The following SFSWAP variants were observed in gnomAD, a reference collection of about 807,000 sequenced individuals.
SFSWAP encodes splicing factor, suppressor of white-apricot homolog.
SFSWAP carries 17 observed loss-of-function variants against 100.7 expected under a neutral mutation model. That is an observed-to-expected ratio of 0.17 (90% CI 0.12 to 0.25). The LOEUF (loss-of-function observed/expected upper bound fraction) is 0.25, where lower values mean the gene tolerates loss of function less well. Ranked by LOEUF, SFSWAP falls within the 10% of genes least tolerant of loss-of-function variation. The pLI is 1.00. For missense variants in SFSWAP, 1,005 were observed against 1,262.6 expected, an observed-to-expected ratio of 0.80 and a Z score of 3.09; for synonymous variants, 504 against 510.1, an observed-to-expected ratio of 0.99 and a Z score of 0.16.
At chr12:131,781,239 T>A (rs60070723) in intron 14 of SFSWAP, among the ~76,000 whole-genome samples, 61,602 of 137,002 alleles carry the variant, frequency 0.45, 14,951 homozygotes, top group East Asian at 0.63. Context: ...TTATTATTTT[T>A]TTTTTTTTTT....
At chr12:131,727,100 C>A in intron 6 of SFSWAP, 48 bp downstream of exon 6, 1 of 1,148,854 alleles carries the variant, frequency 8.7e-7, no homozygotes, top group Non-Finnish European at 1.3e-6. Flanking sequence ...CACAAAACTT[C>A]TGCTAATGTA....
At chr12:131,729,924 G>A (rs564354307) in intron 7 of SFSWAP, among the ~76,000 whole-genome samples, 33 of 152,170 alleles carry the variant, frequency 2.2e-4, no homozygotes, top group South Asian at 6.2e-4. Context: ...CATACTAAAC[G>A]TTTTTAGACT....
chr12:131,799,385 G>T (rs1885910935), intron 17 of SFSWAP, 38 bp from the exon 18 acceptor site: 2 of 1,603,860 alleles, frequency 1.2e-6, no homozygotes, highest in African/African-American at 2.7e-5. Flanking sequence ...GTCTGGCCAG[G>T]TCTTCACAGG....
intron 12 of SFSWAP, among the ~76,000 whole-genome samples, chr12:131,765,673 T>G (rs1049965099): frequency 2.0e-5 from 3 of 152,140 alleles, no homozygotes; most frequent in Non-Finnish European, 2.9e-5. Context: ...AAAAGCCATT[T>G]TTCAACCACA....
intron 8 of SFSWAP, among the ~76,000 whole-genome samples, chr12:131,754,038 G>A (rs552354565): frequency 2.6e-5 from 4 of 152,172 alleles, no homozygotes; most frequent in South Asian, 2.1e-4. Context: ...CATGCTTGCC[G>A]ACTTGTTTTC....
At chr12:131,748,905 A>G (rs1881372962) in intron 7 of SFSWAP, among the ~76,000 whole-genome samples, 1 of 152,266 alleles carries the variant, frequency 6.6e-6, no homozygotes. Context: ...TTACGTCAGC[A>G]TTTAACTTAG....
At position 131,734,378 on chromosome 12, in the gene SFSWAP, G is replaced by A. The variant is rs1227585090; in HGVS notation, c.1081+5950G>A. 6.6e-6 allele frequency among the ~76,000 whole-genome samples: 1 copy of A among 152,258 alleles called. No individual in the cohort carries two copies. The highest frequency in any genetic ancestry group is 1.9e-4 in the East Asian group (1 of 5,206). On this transcript the variant is annotated intron_variant, in intron 7 of 17. Coordinates refer to ENST00000261674, the MANE Select transcript of SFSWAP (RefSeq NM_004592.4). The surrounding 1 kb of genome is among the most constrained non-coding windows in gnomAD (Gnocchi z 4.9). ...TTACCCAAGAGGACTTAAAATGAAT[G>A]TGCAGGAGAAATGAGAAGAGGACTT...
At chr12:131,754,589 T>G in intron 9 of SFSWAP, 90 bp downstream of exon 9, 1 of 951,580 alleles carries the variant, frequency 1.1e-6, no homozygotes. Context: ...AGAATTAATT[T>G]TTTTATATAT....
intron 7 of SFSWAP, among the ~76,000 whole-genome samples, chr12:131,731,548 A>G (rs139829276): frequency 1.1e-3 from 168 of 152,318 alleles, no homozygotes; most frequent in Non-Finnish European, 1.7e-3. Context: ...TGATTAGGGA[A>G]CTGCCTGTAA....
chr12:131,729,464 G>T (rs1229805896), intron 7 of SFSWAP, among the ~76,000 whole-genome samples: 1 of 152,166 alleles, frequency 6.6e-6, no homozygotes, highest in African/African-American at 2.4e-5. Flanking sequence ...AGATTGCACT[G>T]CCACACTCTA....
chr12:131,776,491 C>T (rs1884035598), intron 13 of SFSWAP, among the ~76,000 whole-genome samples: 1 of 152,240 alleles, frequency 6.6e-6, no homozygotes, highest in South Asian at 2.1e-4. Context: ...TGCTGAATTG[C>T]TTTTGATCTC....
Position 131,733,580 on chromosome 12 carries a change from G to A in SFSWAP, c.1081+5152G>A, listed in dbSNP as rs1232329899. 6.6e-6 allele frequency among the ~76,000 whole-genome samples: 1 copy of A among 152,006 alleles called. No individual in the cohort carries two copies. Among genetic ancestry groups the A allele is most frequent in the African/African-American group, 2.4e-5 (1 of 41,392 alleles). On this transcript the variant is annotated intron_variant, in intron 7 of 17. Transcript: ENST00000261674. The surrounding 1 kb of genome is among the most constrained non-coding windows in gnomAD (Gnocchi z 5.1). Reference sequence around the variant, plus strand: ...TGGGCGCAGCTCCATGTTCTCGGGGGATTTCTTCACTGTGTTTCTTGGGGG... The same window carrying A: ...TGGGCGCAGCTCCATGTTCTCGGGGAATTTCTTCACTGTGTTTCTTGGGGG...
chr12:131,772,805 T>G (rs12320129), intron 13 of SFSWAP, among the ~76,000 whole-genome samples: 1 of 152,132 alleles, frequency 6.6e-6, no homozygotes, highest in African/African-American at 2.4e-5. Flanking sequence ...TGAGTTCTTG[T>G]CCGGCGTCCA....
intron 15 of SFSWAP, chr12:131,796,140 C>A (rs1409141207): frequency 2.6e-5 from 4 of 152,160 alleles, no homozygotes; most frequent in Non-Finnish European, 4.4e-5. Flanking sequence ...GTACTCAGGG[C>A]CAGAAGCGCA....
chr12:131,771,648 C>G (rs1414477452), intron 13 of SFSWAP, among the ~76,000 whole-genome samples: 1 of 121,592 alleles, frequency 8.2e-6, no homozygotes. Context: ...TTGCTAATGT[C>G]TCTTTTTTTT....
rs141069885 is a variant in SFSWAP, at chr12:131,797,388, CTG to C, written c.2717+29_2717+30del. 4,233 of 1,585,200 alleles carry C rather than the reference CTG, an allele frequency of 2.7e-3. 7 individuals carry two copies. The highest frequency in any genetic ancestry group is 5.9e-3 in the Middle Eastern group (30 of 5,092). On this transcript the variant is annotated intron_variant, in intron 16 of 17. Transcript: ENST00000261674. ...AACCCCTGTCCTCCAGCAGCTCTCTCTGGGGAAAGGCAAGGGGCGGCCAGCAG... is the reference window on the plus strand; with the variant it reads ...AACCCCTGTCCTCCAGCAGCTCTCTCGGGAAAGGCAAGGGGCGGCCAGCAG...
Position 131,726,940 on chromosome 12 carries a change from A to G in SFSWAP, c.833A>G (p.Lys278Arg). ...TCTTGAAATGTGATTTTGATTTCAG[A>G]ATCAGGAGTCAGCTCTGACAATGAA... ...LAENKSDEKK[K>R]SGVSSDNEDD... The change falls in exon 6 of 18, where the codon AAA becomes AGA. Residue 278 changes from lysine (K) to arginine (R), a missense_variant and splice_region_variant. This residue lies in a region of SFSWAP where 54 missense variants were observed against 51.9 expected (regional missense o/e 1.04). Coordinates refer to ENST00000261674, the MANE Select transcript of SFSWAP (RefSeq NM_004592.4). The G allele has an allele frequency of 1.3e-6, 2 of 1,553,588 alleles. No homozygotes were observed. Among genetic ancestry groups the G allele is most frequent in the Non-Finnish European group, 1.8e-6 (2 of 1,130,830 alleles).
At position 131,714,366 on chromosome 12, in the gene SFSWAP, T is replaced by C. The variant is rs890971477; in HGVS notation, c.388+126T>C. 14 of 786,700 alleles carry C rather than the reference T, an allele frequency of 1.8e-5. No individual in the cohort carries two copies. Among genetic ancestry groups the C allele is most frequent in the African/African-American group, 1.2e-4 (7 of 57,582 alleles). 48.7% of individuals were successfully genotyped at this position (786,700 alleles called of 1,614,324 possible). ...TATTATCTTGACAGTACCCAGTGGA[T>C]TGGAAAAACAGGAGTCTTTGCGTTC... On this transcript the variant is annotated intron_variant, in intron 2 of 17. Transcript: ENST00000261674. The surrounding 1 kb of genome is among the most constrained non-coding windows in gnomAD (Gnocchi z 6.0).
chr12:131,735,895 A>C (rs1372128677), intron 7 of SFSWAP, among the ~76,000 whole-genome samples: 1 of 152,214 alleles, frequency 6.6e-6, no homozygotes, highest in East Asian at 1.9e-4. Context: ...CTCTCACTCA[A>C]ATTTTATGTT....
Sources: allele counts gnomAD v4.1 joint callset (sites outside exome capture counted in the v4.1 genomes callset), GRCh38; gene constraint gnomAD v4.1.1; regional missense constraint gnomAD v4.1.1; non-coding constraint Gnocchi (gnomAD v3.1); transcripts MANE v1.5; gene names NCBI Gene and HGNC (gene_info 2026-07-23, HGNC 2026-07-21).